Variants in ANKS1A observed in about 807,000 individuals in gnomAD.
ANKS1A encodes the protein ankyrin repeat and SAM domain-containing protein 1A.
Under a neutral mutation model 120.3 loss-of-function variants are expected in ANKS1A, and 55 were observed. The observed-to-expected ratio is 0.46, with a 90% CI of 0.37 to 0.57. The LOEUF is 0.57. Ranked by LOEUF, ANKS1A falls within the 20% of genes least tolerant of loss-of-function variation. The pLI is 0.00. For synonymous variants in ANKS1A, 590 were observed against 604.7 expected (o/e 0.98, Z 0.36); for missense variants, 1,123 against 1,480.3 (o/e 0.76, Z 3.96).
Position 35,079,547 on chromosome 6 carries a change from C to T in ANKS1A, c.2315C>T (p.Pro772Leu). The T allele has an allele frequency of 6.2e-7, 1 of 1,613,764 alleles. No individual in the cohort carries two copies. Among genetic ancestry groups the T allele is most frequent in the Non-Finnish European group, 8.5e-7 (1 of 1,179,808 alleles). ...VKALGYDGNS[P>L]PSVPSWLDSL... ...GCTCTGGGTTATGACGGGAACAGCCCCCCTAGCGTGCCCTCCTGGCTGGAC... is the reference window on the plus strand; with the variant it reads ...GCTCTGGGTTATGACGGGAACAGCCTCCCTAGCGTGCCCTCCTGGCTGGAC... The change falls in exon 15 of 24, where the codon CCC (proline) becomes CTC (leucine). Residue 772 changes from proline (P) to leucine (L), a missense_variant. By Grantham distance (98) the Pro-to-Leu change is moderately conservative (BLOSUM62 -3). This residue lies in a region of ANKS1A where 904 missense variants were observed against 1,130.4 expected (regional missense o/e 0.80). Transcript: ENST00000360359.
At chr6:35,010,205 T>C (rs1941046705) in intron 10 of ANKS1A, among the ~76,000 whole-genome samples, 1 of 152,048 alleles carries the variant, frequency 6.6e-6, no homozygotes, top group South Asian at 2.1e-4. Context: ...AGAGTAGAGC[T>C]TATGTTTAGA....
At chr6:34,891,778 G>A (rs1035664941) in intron 1 of ANKS1A, among the ~76,000 whole-genome samples, 1 of 152,100 alleles carries the variant, frequency 6.6e-6, no homozygotes, top group Non-Finnish European at 1.5e-5. Flanking sequence ...ACAGGCAAGC[G>A]CCACCACACC....
rs553507158 is a variant in ANKS1A, at chr6:35,075,085, A to G, written c.2185-3473A>G. Among the ~76,000 whole-genome samples, 19 of 152,386 alleles carry G rather than the reference A, an allele frequency of 1.2e-4. No individual in the cohort carries two copies. The East Asian group carries it at 3.5e-3, about 28-fold the overall frequency. On this transcript the variant is annotated intron_variant, in intron 13 of 23. Transcript: ENST00000360359. ...ATTGGGGGGAAAAGATAGCTCATCA[A>G]GAAATGGACAGCTTGCTGCCAGGGC... is the stretch of plus-strand genomic sequence containing the variant.
Position 34,959,475 on chromosome 6 carries a change from T to C in ANKS1A, c.198-7764T>C, listed in dbSNP as rs980954669. On this transcript the variant is annotated intron_variant, in intron 1 of 23. Coordinates refer to ENST00000360359, the MANE Select transcript of ANKS1A (RefSeq NM_015245.3). ...TTCTTGGAAACATGAGGGATTTCCC[T>C]AAAGGACTTATAATATATGGTATGA... 2.6e-5 allele frequency among the ~76,000 whole-genome samples: 4 copies of C among 152,338 alleles called. No homozygotes were observed. In the East Asian group the frequency reaches 7.7e-4, roughly 29 times the overall value.
Position 34,889,735 on chromosome 6 carries a change from C to A in ANKS1A, c.197+136C>A. The A allele has an allele frequency of 8.8e-7, 1 of 1,135,784 alleles. No homozygotes were observed. The highest frequency in any genetic ancestry group is 1.1e-6 in the Non-Finnish European group (1 of 921,024). The allele number at this position is 1,135,784 out of a possible 1,614,324, so 70.4% of individuals were successfully genotyped here. A position where few individuals can be genotyped will look rare whatever the true frequency, so the allele number is the denominator to read the frequency against. ...GGCGTGCCCGGGGCGAGGCAGGCGGCCCGCGGGCCAGGGTACCGGAGGGCG... is the reference window on the plus strand; with the variant it reads ...GGCGTGCCCGGGGCGAGGCAGGCGGACCGCGGGCCAGGGTACCGGAGGGCG... On this transcript the variant is annotated intron_variant, in intron 1 of 23. Coordinates refer to ENST00000360359, the MANE Select transcript of ANKS1A (RefSeq NM_015245.3). This position sits in a 1 kb window ranked among gnomAD's most constrained non-coding sequence, Gnocchi z 5.5.
rs1281843870 is a variant in ANKS1A, at chr6:35,057,900, T to C, written c.2078-2247T>C. On this transcript the variant is annotated intron_variant, in intron 12 of 23. Coordinates refer to ENST00000360359, the MANE Select transcript of ANKS1A (RefSeq NM_015245.3). This position sits in a 1 kb window ranked among gnomAD's most constrained non-coding sequence, Gnocchi z 4.1. ...GTCCTCTCCTGGCTGTCCTGGAAAC[T>C]GTCGAACAAAGCTCTAGGAGCAGTC... 6.6e-6 allele frequency among the ~76,000 whole-genome samples: 1 copy of C among 152,242 alleles called. No homozygotes were observed. Among genetic ancestry groups the C allele is most frequent in the Non-Finnish European group, 1.5e-5 (1 of 68,042 alleles).
Position 34,990,487 on chromosome 6 carries a change from C to G in ANKS1A, c.1302+1171C>G, listed in dbSNP as rs1442406982. On this transcript the variant is annotated intron_variant, in intron 9 of 23. Coordinates refer to ENST00000360359, the MANE Select transcript of ANKS1A (RefSeq NM_015245.3). Reference sequence around the variant, plus strand: ...AAATAGAAGTTTGTCTCATTACCCCCCTCCTTTTTTTTTTTTTTTTTTAAC... The same window carrying G: ...AAATAGAAGTTTGTCTCATTACCCCGCTCCTTTTTTTTTTTTTTTTTTAAC... 7.8e-5 allele frequency among the ~76,000 whole-genome samples: 9 copies of G among 114,652 alleles called. No homozygotes were observed. The Admixed American group carries it at 9.1e-4, about 12-fold the overall frequency. The allele number at this position is 114,652 out of a possible 152,430, so 75.2% of individuals were successfully genotyped here.
intron 1 of ANKS1A, among the ~76,000 whole-genome samples, chr6:34,890,611 A>C (rs1766766090): frequency 6.6e-6 from 1 of 152,212 alleles, no homozygotes; most frequent in Non-Finnish European, 1.5e-5. Flanking sequence ...AACTTTTCCA[A>C]GGTCTGTTGT....
At chr6:34,902,441 T>C (rs568979892) in intron 1 of ANKS1A, among the ~76,000 whole-genome samples, 141 of 152,096 alleles carry the variant, frequency 9.3e-4, no homozygotes, top group African/African-American at 2.6e-3. Context: ...AGAGACGGGA[T>C]TTCTCCGTGT....
Position 34,983,172 on chromosome 6 carries a change from C to T in ANKS1A, c.868C>T (p.Leu290=). 6.2e-7 allele frequency: 1 copy of T among 1,614,192 alleles called. No homozygotes were observed. Among genetic ancestry groups the T allele is most frequent in the Non-Finnish European group, 8.5e-7 (1 of 1,180,036 alleles). The change falls in exon 6 of 24, where the codon CTG becomes TTG. Residue 290 remains leucine (L), a synonymous_variant. Coordinates refer to ENST00000360359, the MANE Select transcript of ANKS1A (RefSeq NM_015245.3). ...GLTALDTVRE[L]PSQKSQQIAA... is the part of the protein sequence containing the mutation. ...GACTGCCCTAGACACTGTTCGGGAA[C>T]TGCCTTCTCAAAAGAGCCAGCAAAT...
chr6:35,021,009 T>C (rs903965590), intron 11 of ANKS1A, among the ~76,000 whole-genome samples: 1 of 152,256 alleles, frequency 6.6e-6, no homozygotes, highest in African/African-American at 2.4e-5. Context: ...CAGGGCCCTT[T>C]ATGTGTAACC....
intron 13 of ANKS1A, among the ~76,000 whole-genome samples, chr6:35,061,229 T>C (rs926014534): frequency 4.6e-5 from 7 of 152,202 alleles, no homozygotes; most frequent in Non-Finnish European, 7.3e-5. Flanking sequence ...GTGTGTCCAG[T>C]GCTCTGGATC....
Position 35,083,284 on chromosome 6 carries a change from T to C in ANKS1A, c.2907+58T>C, listed in dbSNP as rs567556626. On this transcript the variant is annotated intron_variant, in intron 19 of 23. Transcript: ENST00000360359. ...GGGACTGGCCAGCAGAAGGCAGCAATGGGGGCAGTAGCTGCAGTTGCCTGG... is the reference window on the plus strand; with the variant it reads ...GGGACTGGCCAGCAGAAGGCAGCAACGGGGGCAGTAGCTGCAGTTGCCTGG... The C allele has an allele frequency of 2.4e-5, 39 of 1,605,682 alleles. No homozygotes were observed. In the East Asian group the frequency reaches 6.3e-4, roughly 26 times the overall value.
chr6:35,068,978 A>G (rs995672596), intron 13 of ANKS1A, among the ~76,000 whole-genome samples: 3 of 152,176 alleles, frequency 2.0e-5, no homozygotes, highest in Non-Finnish European at 2.9e-5. Flanking sequence ...CGTCCAATGC[A>G]AGAGAGGGCT....
chr6:34,990,802 A>G (rs1045554425), intron 9 of ANKS1A, among the ~76,000 whole-genome samples: 47 of 152,296 alleles, frequency 3.1e-4, no homozygotes, highest in South Asian at 1.2e-3. Flanking sequence ...TTGCTTCTGA[A>G]TAGCCTGGAA....
intron 1 of ANKS1A, among the ~76,000 whole-genome samples, chr6:34,933,439 C>G (rs575316683): frequency 4.6e-5 from 7 of 152,140 alleles, no homozygotes; most frequent in Non-Finnish European, 1.0e-4. Flanking sequence ...GGCGCGATCT[C>G]GTCTCACTGC....
intron 1 of ANKS1A, among the ~76,000 whole-genome samples, chr6:34,913,347 G>A (rs1767992714): frequency 6.6e-6 from 1 of 152,170 alleles, no homozygotes; most frequent in African/African-American, 2.4e-5. Flanking sequence ...GTTTGTTTGT[G>A]ACAGGGTTTT....
intron 17 of ANKS1A, among the ~76,000 whole-genome samples, chr6:35,081,461 T>C (rs1344203476): frequency 6.6e-6 from 1 of 152,170 alleles, no homozygotes; most frequent in Non-Finnish European, 1.5e-5. Flanking sequence ...CTCTGTGGCC[T>C]CTTGCGTCCT....
chr6:34,890,751 A>T (rs1362807448), intron 1 of ANKS1A, among the ~76,000 whole-genome samples: 1 of 152,106 alleles, frequency 6.6e-6, no homozygotes, highest in East Asian at 1.9e-4. Context: ...TCATAGCCTG[A>T]TTTCTTTTTC....
Sources: allele counts gnomAD v4.1 joint callset (sites outside exome capture counted in the v4.1 genomes callset), GRCh38; gene constraint gnomAD v4.1.1; regional missense constraint gnomAD v4.1.1; non-coding constraint Gnocchi (gnomAD v3.1); transcripts MANE v1.5; gene names NCBI Gene and HGNC (gene_info 2026-07-23, HGNC 2026-07-21).